Variants in UNC5D observed in about 807,000 individuals in gnomAD.
UNC5D encodes the protein netrin receptor UNC5D.
UNC5D carries 39 observed loss-of-function variants against 105.4 expected under a neutral mutation model. The ratio of observed to expected loss-of-function variants is 0.37; its 90% CI spans 0.29 to 0.48. UNC5D has a LOEUF of 0.48. Ranked by LOEUF, UNC5D falls within the 20% of genes least tolerant of loss-of-function variation. UNC5D has a pLI of 0.98. For missense variants in UNC5D, 991 were observed against 1,202.4 expected (o/e 0.82, Z 2.60); for synonymous variants, 452 against 450.4 (o/e 1.00, Z -0.04).
intron 1 of UNC5D, among the ~76,000 whole-genome samples, chr8:35,459,284 G>A (rs1427849164): frequency 6.6e-6 from 1 of 152,158 alleles, no homozygotes; most frequent in Non-Finnish European, 1.5e-5. Flanking sequence ...GGTCAGTTAG[G>A]TGAGGGTGGA....
At chr8:35,556,592 A>G (rs530934024) in intron 2 of UNC5D, among the ~76,000 whole-genome samples, 20 of 152,344 alleles carry the variant, frequency 1.3e-4, no homozygotes, top group African/African-American at 4.6e-4. Context: ...AAGAGGAGGA[A>G]CACATCCACT....
intron 1 of UNC5D, among the ~76,000 whole-genome samples, chr8:35,251,350 G>T (rs1803682898): frequency 1.3e-5 from 2 of 152,114 alleles, no homozygotes; most frequent in African/African-American, 2.4e-5. Context: ...AAAACCATCG[G>T]ATCTCATGAG....
chr8:35,761,378 C>T (rs560171991), intron 14 of UNC5D, among the ~76,000 whole-genome samples: 2 of 152,194 alleles, frequency 1.3e-5, no homozygotes, highest in African/African-American at 2.4e-5. Flanking sequence ...ATGACTTAAA[C>T]AATAATTCCG....
At chr8:35,269,425 C>T (rs1016715961) in intron 1 of UNC5D, among the ~76,000 whole-genome samples, 2 of 152,180 alleles carry the variant, frequency 1.3e-5, no homozygotes, top group African/African-American at 4.8e-5. Context: ...TTCAAATGCT[C>T]GCTTCTTCAT....
chr8:35,567,243 G>C (rs1817414063), intron 2 of UNC5D, among the ~76,000 whole-genome samples: 2 of 152,022 alleles, frequency 1.3e-5, no homozygotes, highest in Admixed American at 1.3e-4. Context: ...GACTAACTTG[G>C]TTTATGTGTA....
At chr8:35,736,212 T>G (rs1345243704) in intron 11 of UNC5D, among the ~76,000 whole-genome samples, 1 of 151,806 alleles carries the variant, frequency 6.6e-6, no homozygotes, top group East Asian at 1.9e-4. Flanking sequence ...AAAAATAAAA[T>G]AAAACAAAAT....
intron 8 of UNC5D, among the ~76,000 whole-genome samples, chr8:35,708,905 G>A (rs1208099522): frequency 6.6e-6 from 1 of 152,016 alleles, no homozygotes; most frequent in East Asian, 1.9e-4. Context: ...CTCTGTCCCT[G>A]TCCTTAATCA....
In UNC5D at chr8:35,766,792, C is replaced by G. The variant is rs1586612629; in HGVS notation, c.2314-110C>G. On this transcript the variant is annotated intron_variant, in intron 14 of 16. Coordinates refer to ENST00000404895, the MANE Select transcript of UNC5D (RefSeq NM_080872.4). Reference sequence around the variant, plus strand: ...TTATCTCTGCTGTGATTGTCCTCATCGTTGTTGTTGTCGTCATCATCATCA... The same window carrying G: ...TTATCTCTGCTGTGATTGTCCTCATGGTTGTTGTTGTCGTCATCATCATCA... The G allele has an allele frequency of 3.1e-6, 4 of 1,275,092 alleles. No homozygotes were observed. In the South Asian group the frequency reaches 8.0e-5, roughly 25 times the overall value. The allele number at this position is 1,275,092 out of a possible 1,614,324, so 79.0% of individuals were successfully genotyped here.
At chr8:35,375,625 T>C (rs181506337) in intron 1 of UNC5D, among the ~76,000 whole-genome samples, 2 of 152,334 alleles carry the variant, frequency 1.3e-5, no homozygotes, top group Non-Finnish European at 2.9e-5. Context: ...GAATTTCATT[T>C]GTTACAAATC....
intron 7 of UNC5D, among the ~76,000 whole-genome samples, chr8:35,692,590 A>C (rs532064597): frequency 6.6e-6 from 1 of 152,322 alleles, no homozygotes; most frequent in African/African-American, 2.4e-5. Context: ...TTCTTTGGTC[A>C]GAGTCAGAAA....
chr8:35,769,473 C>A (rs1287924588), intron 15 of UNC5D, among the ~76,000 whole-genome samples: 1 of 152,268 alleles, frequency 6.6e-6, no homozygotes, highest in Admixed American at 6.5e-5. Flanking sequence ...CTGGGAAGTT[C>A]TTTCTTCAAA....
chr8:35,507,280 T>G (rs898901646), intron 1 of UNC5D, among the ~76,000 whole-genome samples: 1 of 151,848 alleles, frequency 6.6e-6, no homozygotes, highest in African/African-American at 2.4e-5. Context: ...TGGTCTCGAT[T>G]TCCTGACCTC....
At chr8:35,437,978 A>C (rs1807137636) in intron 1 of UNC5D, among the ~76,000 whole-genome samples, 2 of 151,842 alleles carry the variant, frequency 1.3e-5, no homozygotes, top group African/African-American at 4.8e-5. Flanking sequence ...TATCTGGCTC[A>C]GTTTTAACTC....
At chr8:35,395,203 T>G (rs1228033380) in intron 1 of UNC5D, among the ~76,000 whole-genome samples, 1 of 152,226 alleles carries the variant, frequency 6.6e-6, no homozygotes, top group Admixed American at 6.5e-5. Context: ...TTTCCAATGT[T>G]CACATCTTAA....
At chr8:35,501,385 G>A (rs1272470981) in intron 1 of UNC5D, among the ~76,000 whole-genome samples, 1 of 152,184 alleles carries the variant, frequency 6.6e-6, no homozygotes, top group African/African-American at 2.4e-5. Flanking sequence ...TATACTTGAA[G>A]GCATAAGGCC....
At chr8:35,514,275 G>A (rs1023139195) in intron 1 of UNC5D, among the ~76,000 whole-genome samples, 1 of 152,134 alleles carries the variant, frequency 6.6e-6, no homozygotes, top group Admixed American at 6.5e-5. Flanking sequence ...TCATTAACTT[G>A]CTGCAAACCC....
At chr8:35,496,533 C>T (rs776186428) in intron 1 of UNC5D, among the ~76,000 whole-genome samples, 2 of 151,990 alleles carry the variant, frequency 1.3e-5, no homozygotes, top group East Asian at 1.9e-4. Flanking sequence ...GCTAGGCTAA[C>T]GGTGGAACTC....
intron 1 of UNC5D, among the ~76,000 whole-genome samples, chr8:35,462,938 A>G (rs183854045): frequency 3.3e-5 from 5 of 152,294 alleles, no homozygotes; most frequent in Admixed American, 2.6e-4. Context: ...GCACATAGCT[A>G]AAAGTAGATT....
intron 1 of UNC5D, among the ~76,000 whole-genome samples, chr8:35,247,410 C>A (rs1803183677): frequency 6.9e-6 from 1 of 145,916 alleles, no homozygotes; most frequent in Non-Finnish European, 1.5e-5. Flanking sequence ...AGTTAGGGTG[C>A]CTTAAGTCTT....
Sources: gnomAD v4.1 joint callset for allele counts (sites outside exome capture counted in the v4.1 genomes callset) on GRCh38, gnomAD v4.1.1 for gene constraint, MANE v1.5 for transcripts, NCBI Gene and HGNC (gene_info 2026-07-23, HGNC 2026-07-21) for gene names.